The following NELL1 variants were observed in gnomAD, a reference collection of about 807,000 sequenced individuals.
The protein encoded by NELL1 is protein kinase C-binding protein NELL1.
Under a neutral mutation model 107.4 loss-of-function variants are expected in NELL1, and 76 were observed. The ratio of observed to expected loss-of-function variants is 0.71; its 90% CI spans 0.59 to 0.86. The LOEUF is 0.86. Ranked by LOEUF, NELL1 falls within the 40% of genes least tolerant of loss-of-function variation. The pLI is 0.00. For missense variants in NELL1, 1,024 were observed against 1,005.5 expected, an observed-to-expected ratio of 1.02 and a Z score of -0.25; for synonymous variants, 353 against 341.2, an observed-to-expected ratio of 1.03 and a Z score of -0.38.
intron 4 of NELL1, among the ~76,000 whole-genome samples, chr11:20,862,148 G>A (rs1848989803): frequency 6.6e-6 from 1 of 152,148 alleles, no homozygotes; most frequent in Non-Finnish European, 1.5e-5. Context: ...CACTGTGTCT[G>A]GTAAGTAAGT....
chr11:21,455,870 CTTTTCTTTT>C (rs1163257980), intron 15 of NELL1, among the ~76,000 whole-genome samples: 10 of 44,674 alleles, frequency 2.2e-4, no homozygotes, highest in Admixed American at 2.0e-3. Flanking sequence ...TTTCTTCTTT[CTTTTCTTTT>C]TTTTTTTTTA....
chr11:21,405,995 C>G (rs1298935198), intron 15 of NELL1, among the ~76,000 whole-genome samples: 1 of 151,902 alleles, frequency 6.6e-6, no homozygotes, highest in Non-Finnish European at 1.5e-5. Flanking sequence ...TAGACTGAGC[C>G]AATAAGGTTG....
intron 9 of NELL1, among the ~76,000 whole-genome samples, chr11:20,929,608 A>G (rs1564972218): frequency 6.6e-6 from 1 of 152,122 alleles, no homozygotes; most frequent in South Asian, 2.1e-4. Flanking sequence ...TGATCCCATG[A>G]TGGAGAGAGT....
At chr11:21,416,535 G>A (rs1275427911) in intron 15 of NELL1, among the ~76,000 whole-genome samples, 1 of 152,084 alleles carries the variant, frequency 6.6e-6, no homozygotes, top group African/African-American at 2.4e-5. Context: ...TATAAAACAA[G>A]ACTAGAATTC....
At chr11:21,341,857 T>A (rs1481998486) in intron 14 of NELL1, among the ~76,000 whole-genome samples, 7 of 152,244 alleles carry the variant, frequency 4.6e-5, no homozygotes, top group African/African-American at 1.7e-4. Context: ...TAATACATTT[T>A]TTTTGGAGAA....
At chr11:21,351,419 AGCTGAGATTT>A (rs918081858) in intron 14 of NELL1, among the ~76,000 whole-genome samples, 1 of 152,114 alleles carries the variant, frequency 6.6e-6, no homozygotes, top group Non-Finnish European at 1.5e-5. Context: ...GGAACATTTC[AGCTGAGATTT>A]GCAGGTCAAG....
intron 3 of NELL1, among the ~76,000 whole-genome samples, chr11:20,812,940 C>T (rs913201558): frequency 2.3e-5 from 3 of 128,352 alleles, no homozygotes; most frequent in Admixed American, 9.8e-5. Context: ...CCCCAGGGGG[C>T]GGAGCCTGCA....
chr11:21,235,504 T>C (rs781420473), intron 14 of NELL1, among the ~76,000 whole-genome samples: 1 of 152,098 alleles, frequency 6.6e-6, no homozygotes, highest in Non-Finnish European at 1.5e-5. Context: ...TTCCCACCTA[T>C]AGAGACTGAT....
chr11:21,476,218 G>A (rs867241942), intron 15 of NELL1, among the ~76,000 whole-genome samples: 1 of 152,086 alleles, frequency 6.6e-6, no homozygotes, highest in Non-Finnish European at 1.5e-5. Flanking sequence ...TTTTAGCTGT[G>A]CCTGATTTAT....
intron 15 of NELL1, among the ~76,000 whole-genome samples, chr11:21,390,628 A>G (rs1035960809): frequency 1.3e-5 from 2 of 151,736 alleles, no homozygotes; most frequent in Non-Finnish European, 2.9e-5. Flanking sequence ...TGTAAGCAAT[A>G]TTTATAGGTG....
rs117030642 is a variant in NELL1 at position 20,879,221 on chromosome 11, T to C, written c.507-6223T>C. Among the ~76,000 whole-genome samples, 10 of 152,216 alleles carry C rather than the reference T, an allele frequency of 6.6e-5. No individual in the cohort carries two copies. The East Asian group carries it at 1.9e-3, about 29-fold the overall frequency. On this transcript the variant is annotated intron_variant, in intron 4 of 19. Coordinates refer to ENST00000357134, the MANE Select transcript of NELL1 (RefSeq NM_006157.5). ...CCACTACCAGAGTCTTGAAGACCCC[T>C]GTGGGTCATGGAAGCTACCGTGTCA...
At chr11:21,487,202 T>C (rs1854656034) in intron 15 of NELL1, among the ~76,000 whole-genome samples, 1 of 151,974 alleles carries the variant, frequency 6.6e-6, no homozygotes, top group Non-Finnish European at 1.5e-5. Flanking sequence ...AAAAGAGAGT[T>C]CTAAAAACAG....
At chr11:21,429,006 T>C (rs1481141119) in intron 15 of NELL1, among the ~76,000 whole-genome samples, 3 of 152,222 alleles carry the variant, frequency 2.0e-5, no homozygotes, top group African/African-American at 7.2e-5. Context: ...AGCCTCCATA[T>C]TGCAGTGTAT....
chr11:21,450,924 C>T (rs1853562114), intron 15 of NELL1, among the ~76,000 whole-genome samples: 1 of 151,980 alleles, frequency 6.6e-6, no homozygotes, highest in Non-Finnish European at 1.5e-5. Context: ...GGTGCGGTGG[C>T]TCACGCCTGT....
intron 13 of NELL1, among the ~76,000 whole-genome samples, chr11:21,204,540 T>G (rs1857346794): frequency 1.3e-5 from 2 of 152,148 alleles, no homozygotes; most frequent in African/African-American, 4.8e-5. Context: ...TTAGCTTCCT[T>G]GCATTGGGGT....
chr11:21,448,349 A>G (rs1853493566), intron 15 of NELL1, among the ~76,000 whole-genome samples: 1 of 151,996 alleles, frequency 6.6e-6, no homozygotes, highest in East Asian at 1.9e-4. Context: ...GCTTTTCCTC[A>G]TATTTTCTTT....
At chr11:21,059,887 G>C (rs148936309) in intron 12 of NELL1, among the ~76,000 whole-genome samples, 1 of 152,114 alleles carries the variant, frequency 6.6e-6, no homozygotes, top group Non-Finnish European at 1.5e-5. Context: ...GCATAAATAT[G>C]CCAATATATT....
At chr11:20,976,738 C>CA (rs1249695534) in intron 12 of NELL1, among the ~76,000 whole-genome samples, 1 of 152,048 alleles carries the variant, frequency 6.6e-6, no homozygotes, top group African/African-American at 2.4e-5. Flanking sequence ...ATCATATTTT[C>CA]AAAAATGCTC....
At chr11:20,805,470 G>T (rs1857362797) in intron 3 of NELL1, among the ~76,000 whole-genome samples, 1 of 151,890 alleles carries the variant, frequency 6.6e-6, no homozygotes, top group Non-Finnish European at 1.5e-5. Flanking sequence ...GTGTGTATCT[G>T]CTGTGTTTTT....
Sources: gnomAD v4.1 joint callset for allele counts (sites outside exome capture counted in the v4.1 genomes callset) on GRCh38, gnomAD v4.1.1 for gene constraint, MANE v1.5 for transcripts, NCBI Gene and HGNC (gene_info 2026-07-23, HGNC 2026-07-21) for gene names.